BRAF: variants seen among roughly 807,000 people sequenced by gnomAD.
BRAF encodes B-Raf proto-oncogene, serine/threonine kinase, also known as serine/threonine-protein kinase B-raf.
Under a neutral mutation model 104.6 loss-of-function variants are expected in BRAF, and 16 were observed. The ratio of observed to expected loss-of-function variants is 0.15; its 90% confidence interval spans 0.10 to 0.23. BRAF has a LOEUF of 0.23. Ranked by LOEUF, BRAF falls within the 10% of genes least tolerant of loss-of-function variation. The pLI, the probability that BRAF is intolerant of heterozygous loss-of-function variation, is 1.00. For synonymous variants in BRAF, 310 were observed against 341.6 expected (o/e 0.91, Z 1.02); for missense variants, 541 against 937.3 (o/e 0.58, Z 5.52).
Position 140,725,706 on chromosome 7 carries a change from A to G in BRAF, c.*788T>C. On this transcript the variant is annotated 3_prime_UTR_variant, in exon 20 of 20. Coordinates refer to ENST00000644969, the MANE Select transcript of BRAF (RefSeq NM_001374258.1). Reference sequence around the variant, plus strand: ...ATTTGCTACATTGTGGAGGAAAAAAAAAAAACCCAAACACTTATCTTCATT... The same window carrying G: ...ATTTGCTACATTGTGGAGGAAAAAAGAAAAACCCAAACACTTATCTTCATT... 1 of 1,059,530 alleles carries G rather than the reference A, an allele frequency of 9.4e-7. No individual in the cohort carries two copies. 65.6% of individuals were successfully genotyped at this position (1,059,530 alleles called of 1,614,324 possible).
intron 5 of BRAF, among the ~76,000 whole-genome samples, chr7:140,805,699 T>C (rs754317484): frequency 6.6e-6 from 1 of 152,168 alleles, no homozygotes; most frequent in Non-Finnish European, 1.5e-5. Flanking sequence ...AAGGTTTGGA[T>C]ATAAAAGTTT....
intron 5 of BRAF, among the ~76,000 whole-genome samples, chr7:140,802,054 T>G (rs1161300281): frequency 1.3e-5 from 2 of 152,066 alleles, no homozygotes; most frequent in Non-Finnish European, 2.9e-5. Context: ...GAACTATAAA[T>G]GAGCTAATTC....
At chr7:140,874,263 G>A (rs1283785296) in intron 1 of BRAF, among the ~76,000 whole-genome samples, 4 of 148,148 alleles carry the variant, frequency 2.7e-5, no homozygotes, top group East Asian at 2.0e-4. Context: ...GTGCAGTGGC[G>A]CGACCTCAAC....
intron 8 of BRAF, among the ~76,000 whole-genome samples, chr7:140,792,408 T>C (rs1448840051): frequency 1.3e-5 from 2 of 152,192 alleles, no homozygotes; most frequent in East Asian, 1.9e-4. Context: ...ACTGTAGATA[T>C]TACCTGCCTA....
intron 18 of BRAF, among the ~76,000 whole-genome samples, chr7:140,736,595 T>C (rs560943561): frequency 3.9e-4 from 59 of 151,994 alleles, no homozygotes; most frequent in African/African-American, 7.7e-4. Context: ...GCCTGGCTAA[T>C]TTTGTATTCT....
chr7:140,747,425 T>C, intron 17 of BRAF: 1 of 1,288,814 alleles, frequency 7.8e-7, no homozygotes, highest in Non-Finnish European at 1.0e-6. Context: ...TCATTTATTA[T>C]ACTCCCATGG....
chr7:140,921,135 C>T (rs563478287), intron 1 of BRAF, among the ~76,000 whole-genome samples: 1 of 152,222 alleles, frequency 6.6e-6, no homozygotes, highest in Non-Finnish European at 1.5e-5. Flanking sequence ...GTGAGAAGCT[C>T]CCTTCTACAG....
At chr7:140,866,620 G>A (rs1425185032) in intron 1 of BRAF, among the ~76,000 whole-genome samples, 4 of 152,150 alleles carry the variant, frequency 2.6e-5, no homozygotes, top group Non-Finnish European at 1.5e-5. Flanking sequence ...CTCACCTGAG[G>A]CTAGAGAAAT....
chr7:140,714,371 T>A (rs1050479592), downstream of BRAF, among the ~76,000 whole-genome samples: 7 of 152,192 alleles, frequency 4.6e-5, no homozygotes, highest in African/African-American at 1.7e-4. Flanking sequence ...TCTGTATCTA[T>A]GTATCTATTT....
At chr7:140,775,641 G>C (rs1466375668) in intron 14 of BRAF, among the ~76,000 whole-genome samples, 1 of 152,126 alleles carries the variant, frequency 6.6e-6, no homozygotes, top group Non-Finnish European at 1.5e-5. Context: ...GCCTGGCCAA[G>C]ATTTTAATTC....
intron 1 of BRAF, among the ~76,000 whole-genome samples, chr7:140,903,707 C>G (rs1325371021): frequency 6.6e-6 from 1 of 152,212 alleles, no homozygotes; most frequent in Non-Finnish European, 1.5e-5. Flanking sequence ...AAAGAATTCA[C>G]CTTTCTCGAT....
intron 1 of BRAF, among the ~76,000 whole-genome samples, chr7:140,922,963 G>A (rs1174998061): frequency 6.6e-6 from 1 of 152,118 alleles, no homozygotes; most frequent in African/African-American, 2.4e-5. Context: ...GAAGCTGGGG[G>A]AAAGGAACAG....
At position 140,816,376 on chromosome 7, in the gene BRAF, G is replaced by A. The variant is rs1212557407; in HGVS notation, c.505-7381C>T. ...GGGAAGGTCTAGCATTTACTCTAGT[G>A]ATGTCCCTTTACTTTCGACCTATTC... On this transcript the variant is annotated intron_variant, in intron 3 of 19. Coordinates refer to ENST00000644969, the MANE Select transcript of BRAF (RefSeq NM_001374258.1). Among the ~76,000 whole-genome samples, 3 of 152,232 alleles carry A rather than the reference G, an allele frequency of 2.0e-5. No individual in the cohort carries two copies. The East Asian group carries it at 5.8e-4, about 29-fold the overall frequency.
intron 12 of BRAF, chr7:140,781,298 C>T: frequency 2.3e-6 from 1 of 435,192 alleles, no homozygotes; most frequent in Middle Eastern, 6.7e-4. Flanking sequence ...CTGAAAGACT[C>T]TAAAAGAAAA....
Position 140,723,161 on chromosome 7 carries a change from G to A in BRAF, c.*3333C>T. ...GATGAGGTTTGCAAGCAGCTGGCGGGTGGATGTACAGTGGGGACAGGTGAG... is the reference window on the plus strand; with the variant it reads ...GATGAGGTTTGCAAGCAGCTGGCGGATGGATGTACAGTGGGGACAGGTGAG... On this transcript the variant is annotated 3_prime_UTR_variant, in exon 20 of 20. Coordinates refer to ENST00000644969, the MANE Select transcript of BRAF (RefSeq NM_001374258.1). 3 of 1,053,308 alleles carry A rather than the reference G, an allele frequency of 2.8e-6. No homozygotes were observed. In the South Asian group the frequency reaches 1.4e-4, roughly 48 times the overall value. The allele number at this position is 1,053,308 out of a possible 1,614,324, so 65.2% of individuals were successfully genotyped here.
At chr7:140,897,735 C>G (rs778334012) in intron 1 of BRAF, among the ~76,000 whole-genome samples, 3 of 151,912 alleles carry the variant, frequency 2.0e-5, no homozygotes, top group Non-Finnish European at 2.9e-5. Flanking sequence ...CTCTTGACCT[C>G]ATGATCTGCT....
intron 2 of BRAF, among the ~76,000 whole-genome samples, chr7:140,842,654 T>C (rs1338608910): frequency 6.6e-6 from 1 of 152,176 alleles, no homozygotes; most frequent in African/African-American, 2.4e-5. Context: ...TGAGAGGAAA[T>C]GAAGAAACTC....
chr7:140,793,204 A>G (rs1802156163), intron 8 of BRAF, among the ~76,000 whole-genome samples: 1 of 152,226 alleles, frequency 6.6e-6, no homozygotes, highest in Admixed American at 6.5e-5. Context: ...GAAAAAGGGA[A>G]TAGTCTAAAA....
rs71645958 is a variant in BRAF at position 140,788,049 on chromosome 7, G to A, written c.1141-465C>T. On this transcript the variant is annotated intron_variant, in intron 8 of 19. Transcript: ENST00000644969. ...ACTAATGGATGCTGTGCTTCATACC[G>A]AGGTAATGGGATAATCTGTGTGGCA... Among the ~76,000 whole-genome samples, 21 of 152,252 alleles carry A rather than the reference G, an allele frequency of 1.4e-4. No homozygotes were observed. In the East Asian group the frequency reaches 2.5e-3, roughly 18 times the overall value.
Sources: allele counts gnomAD v4.1 joint callset (sites outside exome capture counted in the v4.1 genomes callset), GRCh38; gene constraint gnomAD v4.1.1; transcripts MANE v1.5; gene names NCBI Gene and HGNC (gene_info 2026-07-23, HGNC 2026-07-21).